IGF2BP2: variants seen among roughly 807,000 people sequenced by gnomAD.
IGF2BP2 encodes insulin like growth factor 2 mRNA binding protein 2.
Under a neutral mutation model 75.8 loss-of-function variants are expected in IGF2BP2, and 17 were observed. That is an observed-to-expected ratio of 0.22 (90% CI 0.15 to 0.34). The LOEUF (loss-of-function observed/expected upper bound fraction) is 0.34, where lower values mean the gene tolerates loss of function less well. Among genes scored for constraint, IGF2BP2 ranks in the 10% least tolerant of loss-of-function variants. The probability of loss-of-function intolerance (pLI) is 1.00; values close to 1 mark genes in which losing one functional copy is unlikely to be tolerated. For synonymous variants in IGF2BP2, 288 were observed against 295.6 expected (o/e 0.97, Z 0.26); for missense variants, 516 against 772.4 (o/e 0.67, Z 3.93).
chr3:185,749,061 G>A (rs761450756), intron 2 of IGF2BP2, among the ~76,000 whole-genome samples: 7 of 152,160 alleles, frequency 4.6e-5, no homozygotes, highest in Admixed American at 1.3e-4. Context: ...CTACTTGGGA[G>A]GCTGAGGCAG....
At chr3:185,662,409 C>A (rs1422457142) in intron 10 of IGF2BP2, among the ~76,000 whole-genome samples, 1 of 149,310 alleles carries the variant, frequency 6.7e-6, no homozygotes, top group Non-Finnish European at 1.5e-5. Flanking sequence ...ACCCGGGAGG[C>A]GGAGGTTGCA....
At chr3:185,778,407 A>C (rs1200362151) in intron 2 of IGF2BP2, among the ~76,000 whole-genome samples, 1 of 152,248 alleles carries the variant, frequency 6.6e-6, no homozygotes, top group African/African-American at 2.4e-5. Context: ...ACAGCGGCCT[A>C]GCCAGGAGTC....
chr3:185,773,055 G>C (rs553948884), intron 2 of IGF2BP2, among the ~76,000 whole-genome samples: 8 of 152,146 alleles, frequency 5.3e-5, no homozygotes, highest in Admixed American at 5.2e-4. Flanking sequence ...AACCCCATCA[G>C]GGTACCAATT....
At chr3:185,659,107 TACTC>T (rs1413976133) in intron 10 of IGF2BP2, among the ~76,000 whole-genome samples, 1 of 152,092 alleles carries the variant, frequency 6.6e-6, no homozygotes, top group Non-Finnish European at 1.5e-5. Context: ...TGGTCCCAGT[TACTC>T]AGGAGGCTGA....
chr3:185,675,096 T>A, intron 9 of IGF2BP2, 200 bp downstream of exon 9: 1 of 391,788 alleles, frequency 2.6e-6, no homozygotes, highest in Non-Finnish European at 4.5e-6. Flanking sequence ...TTCAAAGTTA[T>A]AATTTTAATG....
chr3:185,690,827 T>C (rs1004101032), intron 5 of IGF2BP2, among the ~76,000 whole-genome samples: 3 of 152,210 alleles, frequency 2.0e-5, no homozygotes, highest in East Asian at 1.9e-4. Context: ...TATACCACTA[T>C]TATATTCTTA....
intron 10 of IGF2BP2, among the ~76,000 whole-genome samples, chr3:185,670,741 T>C (rs1253211855): frequency 6.6e-6 from 1 of 151,840 alleles, no homozygotes; most frequent in Non-Finnish European, 1.5e-5. Context: ...GGCTAATTCT[T>C]GTAGTTTTAG....
intron 2 of IGF2BP2, among the ~76,000 whole-genome samples, chr3:185,747,735 A>G (rs978420614): frequency 1.3e-5 from 2 of 152,208 alleles, no homozygotes; most frequent in East Asian, 3.9e-4. Flanking sequence ...TATATGAACA[A>G]TGACTATTTG....
rs568482035 is a variant in IGF2BP2 at position 185,704,981 on chromosome 3, C to T, written c.240-6634G>A. ...GAAAATGAACACAATGAACAAAAAGCAGTTTGGGGTATTTTTTAAGAGAAA... is the reference window on the plus strand; with the variant it reads ...GAAAATGAACACAATGAACAAAAAGTAGTTTGGGGTATTTTTTAAGAGAAA... On this transcript the variant is annotated intron_variant, in intron 2 of 15. Coordinates refer to ENST00000382199, the MANE Select transcript of IGF2BP2 (RefSeq NM_006548.6). 5.9e-5 allele frequency among the ~76,000 whole-genome samples: 9 copies of T among 152,258 alleles called. No individual in the cohort carries two copies. In the South Asian group the frequency reaches 1.9e-3, roughly 32 times the overall value.
chr3:185,789,105 G>A (rs1736281089), intron 2 of IGF2BP2, among the ~76,000 whole-genome samples: 1 of 152,138 alleles, frequency 6.6e-6, no homozygotes, highest in Admixed American at 6.6e-5. Context: ...CGATCCTCCC[G>A]CCTCAGCCTC....
At chr3:185,811,721 T>A (rs557408910) in intron 2 of IGF2BP2, among the ~76,000 whole-genome samples, 7 of 152,254 alleles carry the variant, frequency 4.6e-5, no homozygotes, top group Non-Finnish European at 1.0e-4. Context: ...TACAAAAATC[T>A]TACTACAAAA....
intron 2 of IGF2BP2, among the ~76,000 whole-genome samples, chr3:185,786,959 A>G (rs1473590834): frequency 6.6e-6 from 1 of 152,180 alleles, no homozygotes; most frequent in African/African-American, 2.4e-5. Context: ...TTCGAAATGT[A>G]AAAGCCTTTC....
intron 13 of IGF2BP2, among the ~76,000 whole-genome samples, chr3:185,651,335 G>A (rs946825089): frequency 2.0e-5 from 3 of 152,078 alleles, no homozygotes. Flanking sequence ...TATTCCACAT[G>A]TTGTCCAATA....
intron 4 of IGF2BP2, among the ~76,000 whole-genome samples, chr3:185,694,719 TATAATC>T (rs1722361830): frequency 6.6e-6 from 1 of 152,234 alleles, no homozygotes; most frequent in Non-Finnish European, 1.5e-5. Flanking sequence ...CAGTTTATAA[TATAATC>T]TTAACTAGTA....
chr3:185,747,117 G>C (rs1471527187), intron 2 of IGF2BP2, among the ~76,000 whole-genome samples: 1 of 152,076 alleles, frequency 6.6e-6, no homozygotes, highest in East Asian at 1.9e-4. Flanking sequence ...CATATCAATG[G>C]AATTACTATG....
intron 9 of IGF2BP2, 40 bp downstream of exon 9, chr3:185,675,256 C>A: frequency 6.3e-7 from 1 of 1,588,070 alleles, no homozygotes; most frequent in Non-Finnish European, 8.5e-7. Context: ...TATTTTTAGC[C>A]TAGTGAAAAC....
intron 2 of IGF2BP2, among the ~76,000 whole-genome samples, chr3:185,809,160 G>T (rs1356819299): frequency 6.8e-6 from 1 of 147,992 alleles, no homozygotes; most frequent in Admixed American, 6.8e-5. Context: ...GTGATTCCCA[G>T]TAAATTTTTA....
At chr3:185,810,446 G>A (rs1467590726) in intron 2 of IGF2BP2, among the ~76,000 whole-genome samples, 1 of 152,318 alleles carries the variant, frequency 6.6e-6, no homozygotes, top group East Asian at 1.9e-4. Context: ...CACACTGTGT[G>A]CTTTTAAAAC....
intron 7 of IGF2BP2, 40 bp downstream of exon 7, chr3:185,687,014 CTTT>C: frequency 6.3e-7 from 1 of 1,594,024 alleles, no homozygotes; most frequent in Non-Finnish European, 8.5e-7. Flanking sequence ...AGAATCTACT[CTTT>C]TTCTCTGTTG....
Sources: gnomAD v4.1 joint callset for allele counts (sites outside exome capture counted in the v4.1 genomes callset) on GRCh38, gnomAD v4.1.1 for gene constraint, MANE v1.5 for transcripts, NCBI Gene and HGNC (gene_info 2026-07-23, HGNC 2026-07-21) for gene names.